The following ALMS1 variants were observed in gnomAD, a reference collection of about 807,000 sequenced individuals.
ALMS1 encodes centrosome-associated protein ALMS1.
A neutral mutation model predicts 352.2 loss-of-function variants in ALMS1; 271 were observed. The ratio of observed to expected loss-of-function variants is 0.77; its 90% CI spans 0.70 to 0.85. The LOEUF (loss-of-function observed/expected upper bound fraction) is 0.85, where lower values mean the gene tolerates loss of function less well. ALMS1 is among the 40% of genes least tolerant of loss of function. The pLI, the probability that ALMS1 is intolerant of heterozygous loss-of-function variation, is 0.00. For missense variants in ALMS1, 5,445 were observed against 4,870.7 expected, an observed-to-expected ratio of 1.12 and a Z score of -3.51; for synonymous variants, 1,865 against 1,761.2, an observed-to-expected ratio of 1.06 and a Z score of -1.48.
rs1182322031 is a variant in ALMS1, at chr2:73,385,928, G to GGAGGAGGAGGAGGAGGAA, written c.74_75insGGAAGAGGAGGAGGAGGA (p.Glu23_Glu28dup). The GGAGGAGGAGGAGGAGGAA allele has an allele frequency of 1.8e-5, 19 of 1,048,382 alleles. No individual in the cohort carries two copies. The highest frequency in any genetic ancestry group is 2.8e-5 in the South Asian group (2 of 72,196). 64.9% of individuals were successfully genotyped at this position (1,048,382 alleles called of 1,614,324 possible). A position where few individuals can be genotyped will look rare whatever the true frequency, so the allele number is the denominator to read the frequency against. On this transcript the variant is annotated inframe_insertion, in exon 1 of 23. Transcript: ENST00000613296. Reference sequence around the variant, plus strand: ...TGGAGGAGGAGGAGGAGGAGGAGGAGGAGGAGGAGGAGGAAGAGGAGGAGG... The same window carrying GGAGGAGGAGGAGGAGGAA: ...TGGAGGAGGAGGAGGAGGAGGAGGAGGAGGAGGAGGAGGAGGAAGAGGAGGAGGAGGAAGAGGAGGAGG...
At chr2:73,538,192 C>A (rs902745449) in intron 12 of ALMS1, among the ~76,000 whole-genome samples, 4 of 151,850 alleles carry the variant, frequency 2.6e-5, no homozygotes, top group African/African-American at 9.7e-5. Context: ...TGTAAGGAAC[C>A]CTTACAACTC....
intron 10 of ALMS1, among the ~76,000 whole-genome samples, chr2:73,507,207 C>T (rs921145456): frequency 4.0e-5 from 6 of 151,862 alleles, no homozygotes; most frequent in Non-Finnish European, 7.4e-5. Context: ...ATTTTTGCAT[C>T]GATGTTTATC....
At chr2:73,415,352 A>T (rs911630039) in intron 2 of ALMS1, among the ~76,000 whole-genome samples, 1 of 152,232 alleles carries the variant, frequency 6.6e-6, no homozygotes, top group Non-Finnish European at 1.5e-5. Context: ...GAGAGGAATG[A>T]TTCAGTAATG....
At chr2:73,460,562 A>T (rs572212106) in intron 9 of ALMS1, among the ~76,000 whole-genome samples, 3 of 152,304 alleles carry the variant, frequency 2.0e-5, no homozygotes, top group Admixed American at 6.5e-5. Context: ...TACCGGGTTC[A>T]TCTCACTAGG....
intron 12 of ALMS1, among the ~76,000 whole-genome samples, chr2:73,548,916 C>T (rs1440545469): frequency 2.0e-5 from 3 of 152,050 alleles, no homozygotes; most frequent in Non-Finnish European, 2.9e-5. Context: ...AATAAGTTTC[C>T]GGAGAGGTAA....
chr2:73,588,081 T>C (rs1675347719), intron 16 of ALMS1, among the ~76,000 whole-genome samples: 1 of 152,220 alleles, frequency 6.6e-6, no homozygotes, highest in African/African-American at 2.4e-5. Flanking sequence ...AGCTGAATTC[T>C]ATCAGACATT....
At chr2:73,486,794 A>G (rs1672857675) in intron 9 of ALMS1, among the ~76,000 whole-genome samples, 1 of 152,188 alleles carries the variant, frequency 6.6e-6, no homozygotes, top group African/African-American at 2.4e-5. Flanking sequence ...CATGCCTGTA[A>G]TCCCAGCACT....
intron 16 of ALMS1, among the ~76,000 whole-genome samples, chr2:73,577,945 C>T (rs1675087884): frequency 6.6e-6 from 1 of 152,032 alleles, no homozygotes. Flanking sequence ...GTCTTTTGTC[C>T]AGTTTTTCTA....
rs1671889983 is a variant in ALMS1 at position 73,449,826 on chromosome 2, G to T, written c.3299G>T (p.Arg1100Ile). 6.2e-7 allele frequency: 1 copy of T among 1,613,920 alleles called. No individual in the cohort carries two copies. The highest frequency in any genetic ancestry group is 1.1e-5 in the South Asian group (1 of 91,080). The change falls in exon 8 of 23, where the codon AGA (arginine) becomes ATA (isoleucine). Residue 1100 changes from arginine to isoleucine, a missense_variant. Physicochemically the swap from Arg to Ile is moderately conservative, Grantham distance 97 (BLOSUM62 -3). Transcript: ENST00000613296. ...PAVPSTFYSQ[R>I]EKPGIFYQQT... ...GTACCGTCTACTTTCTACTCACAAA[G>T]AGAGAAGCCTGGTATTTTCTACCAA...
At chr2:73,609,278 T>A (rs1026127400) in intron 22 of ALMS1, among the ~76,000 whole-genome samples, 4 of 152,194 alleles carry the variant, frequency 2.6e-5, no homozygotes, top group African/African-American at 9.6e-5. Flanking sequence ...ACCTGTCTGG[T>A]GTGTCAGCAT....
chr2:73,440,262 C>T (rs1008226085), intron 7 of ALMS1, among the ~76,000 whole-genome samples: 1 of 152,066 alleles, frequency 6.6e-6, no homozygotes, highest in African/African-American at 2.4e-5. Context: ...GTATTACAGG[C>T]GTGAGCCAAT....
At chr2:73,435,893 C>T (rs1040492591) in intron 7 of ALMS1, among the ~76,000 whole-genome samples, 1 of 152,112 alleles carries the variant, frequency 6.6e-6, no homozygotes, top group Non-Finnish European at 1.5e-5. Flanking sequence ...TGCCAGCCTG[C>T]TTTATATATT....
intron 16 of ALMS1, among the ~76,000 whole-genome samples, chr2:73,592,897 A>G (rs1234721545): frequency 6.6e-6 from 1 of 152,226 alleles, no homozygotes; most frequent in Admixed American, 6.5e-5. Context: ...TGTATAAGAC[A>G]GCAACAGGTG....
intron 11 of ALMS1, among the ~76,000 whole-genome samples, chr2:73,532,467 C>A (rs1673934372): frequency 6.6e-6 from 1 of 152,204 alleles, no homozygotes; most frequent in African/African-American, 2.4e-5. Context: ...CTTATTCTTT[C>A]CTCTTTTCCA....
Position 73,601,195 on chromosome 2 carries a change from G to C in ALMS1, c.11873G>C (p.Gly3958Ala). ...LKKNKKNSHE[G>A]VSWFVPVENV... is the part of the protein sequence containing the mutation. Reference sequence around the variant, plus strand: ...TCCTTCTAAAAACTGTTTCCTGTAGGAGTTTCCTGGTTTGTTCCTGTGGAA... The same window carrying C: ...TCCTTCTAAAAACTGTTTCCTGTAGCAGTTTCCTGGTTTGTTCCTGTGGAA... The change falls in exon 19 of 23, where the codon GGA becomes GCA. Residue 3958 changes from glycine to alanine, a missense_variant and splice_region_variant. Transcript: ENST00000613296. 6.2e-7 allele frequency: 1 copy of C among 1,614,090 alleles called. No homozygotes were observed. Among genetic ancestry groups the C allele is most frequent in the East Asian group, 2.2e-5 (1 of 44,886 alleles).
chr2:73,473,236 C>T (rs1377583455), intron 9 of ALMS1, among the ~76,000 whole-genome samples: 3 of 138,506 alleles, frequency 2.2e-5, no homozygotes, highest in African/African-American at 5.1e-5. Flanking sequence ...CAACACAGAG[C>T]AAAAAAGACT....
intron 9 of ALMS1, among the ~76,000 whole-genome samples, chr2:73,476,571 T>A (rs1022165686): frequency 7.5e-6 from 1 of 132,542 alleles, no homozygotes; most frequent in African/African-American, 3.5e-5. Flanking sequence ...TTATTTTCTG[T>A]TTTTTTTTGT....
At chr2:73,495,606 T>C (rs182571770) in intron 10 of ALMS1, among the ~76,000 whole-genome samples, 6 of 152,196 alleles carry the variant, frequency 3.9e-5, no homozygotes, top group Admixed American at 3.9e-4. Context: ...GGACCTGGCA[T>C]GCTCATTGCT....
intron 9 of ALMS1, among the ~76,000 whole-genome samples, chr2:73,482,807 G>A (rs1254494244): frequency 1.3e-5 from 2 of 151,282 alleles, no homozygotes; most frequent in Non-Finnish European, 3.0e-5. Flanking sequence ...TTAGTCTTGG[G>A]AGAGTGTATG....
Sources: gnomAD v4.1 joint callset for allele counts (sites outside exome capture counted in the v4.1 genomes callset) on GRCh38, gnomAD v4.1.1 for gene constraint, MANE v1.5 for transcripts, NCBI Gene and HGNC (gene_info 2026-07-23, HGNC 2026-07-21) for gene names.